ZFHX3: variants seen among roughly 807,000 people sequenced by gnomAD.
ZFHX3 encodes the protein zinc finger homeobox 3.
ZFHX3 carries 42 observed loss-of-function variants against 279.1 expected under a neutral mutation model. The ratio of observed to expected loss-of-function variants is 0.15; its 90% CI spans 0.12 to 0.19. The LOEUF (loss-of-function observed/expected upper bound fraction) is 0.19, where lower values mean the gene tolerates loss of function less well. Among genes scored for constraint, ZFHX3 ranks in the 10% least tolerant of loss-of-function variants. The probability of loss-of-function intolerance (pLI) is 1.00; values close to 1 mark genes in which losing one functional copy is unlikely to be tolerated. For synonymous variants in ZFHX3, 2,293 were observed against 1,957.8 expected, an observed-to-expected ratio of 1.17 and a Z score of -4.52; for missense variants, 4,981 against 4,754.0, an observed-to-expected ratio of 1.05 and a Z score of -1.40.
At chr16:73,227,350 G>A (rs1031814760) in intron 5 of ZFHX3, among the ~76,000 whole-genome samples, 4 of 152,146 alleles carry the variant, frequency 2.6e-5, no homozygotes, top group African/African-American at 9.7e-5. Flanking sequence ...TTATAATACA[G>A]AATAAAGACC....
At chr16:73,346,033 C>T (rs1238610745) in intron 3 of ZFHX3, among the ~76,000 whole-genome samples, 1 of 152,212 alleles carries the variant, frequency 6.6e-6, no homozygotes, top group Non-Finnish European at 1.5e-5. Flanking sequence ...AATGAGGGAG[C>T]TGTCCCTCTG....
chr16:72,869,381 GTT>G (rs11348026), intron 4 of ZFHX3, among the ~76,000 whole-genome samples: 1 of 150,866 alleles, frequency 6.6e-6, no homozygotes, highest in African/African-American at 2.4e-5. Flanking sequence ...AGCTAAAGGT[GTT>G]TTTTTTTTCT....
intron 6 of ZFHX3, among the ~76,000 whole-genome samples, chr16:73,135,204 T>C (rs745404204): frequency 4.6e-5 from 7 of 152,240 alleles, no homozygotes; most frequent in Non-Finnish European, 8.8e-5. Context: ...TAGAGCTTTC[T>C]GCCCTCTGTG....
intron 5 of ZFHX3, among the ~76,000 whole-genome samples, chr16:73,191,110 C>A (rs941608820): frequency 3.9e-5 from 6 of 152,052 alleles, no homozygotes; most frequent in Non-Finnish European, 5.9e-5. Flanking sequence ...GTGGGAGAGG[C>A]AGAGCCCCTC....
intron 8 of ZFHX3, among the ~76,000 whole-genome samples, chr16:73,070,804 C>T (rs1311841161): frequency 6.6e-6 from 1 of 151,790 alleles, no homozygotes; most frequent in Admixed American, 6.6e-5. Context: ...TCTCCAGCGC[C>T]CGGTCCCCTC....
chr16:72,836,032 T>G (rs887394238), intron 4 of ZFHX3, among the ~76,000 whole-genome samples: 3 of 152,238 alleles, frequency 2.0e-5, no homozygotes, highest in Non-Finnish European at 4.4e-5. Context: ...GTTATAATTC[T>G]GCTACAATAG....
At chr16:73,516,101 T>G (rs2019516649) in intron 2 of ZFHX3, among the ~76,000 whole-genome samples, 1 of 152,366 alleles carries the variant, frequency 6.6e-6, no homozygotes, top group South Asian at 2.1e-4. Context: ...CCATGGGTTC[T>G]TTTAAGAATA....
At chr16:73,320,893 G>A (rs953662286) in intron 3 of ZFHX3, among the ~76,000 whole-genome samples, 2 of 152,208 alleles carry the variant, frequency 1.3e-5, no homozygotes, top group Admixed American at 1.3e-4. Context: ...CATGGCAGAA[G>A]ATGAGCTTGG....
intron 1 of ZFHX3, among the ~76,000 whole-genome samples, chr16:73,851,931 T>C (rs749374115): frequency 5.3e-5 from 8 of 152,140 alleles, no homozygotes; most frequent in Non-Finnish European, 1.0e-4. Flanking sequence ...TAATGACATT[T>C]AGTGGGCAAG....
chr16:73,692,972 C>A (rs7194648), intron 1 of ZFHX3, among the ~76,000 whole-genome samples: 12,682 of 152,178 alleles, frequency 0.083, 591 homozygotes, highest in Non-Finnish European at 0.1. Flanking sequence ...TGAAATTAGA[C>A]CCATTGAAGA....
At chr16:73,242,961 C>T (rs561786634) in intron 5 of ZFHX3, among the ~76,000 whole-genome samples, 15 of 152,266 alleles carry the variant, frequency 9.9e-5, no homozygotes, top group African/African-American at 1.9e-4. Flanking sequence ...ACCAGAAGGA[C>T]GTGGCAATAG....
intron 2 of ZFHX3, among the ~76,000 whole-genome samples, chr16:73,546,690 TGCTGCTGC>T (rs1567515681): frequency 1.4e-5 from 1 of 71,190 alleles, no homozygotes; most frequent in African/African-American, 1.4e-4. Context: ...CTGCTGCTGC[TGCTGCTGC>T]TGCTGCTGCT....
chr16:73,621,675 G>T (rs2052364844), intron 2 of ZFHX3, among the ~76,000 whole-genome samples: 2 of 152,046 alleles, frequency 1.3e-5, no homozygotes, highest in African/African-American at 4.8e-5. Context: ...GGGGAAAAAA[G>T]GAGTCTGCAT....
intron 1 of ZFHX3, among the ~76,000 whole-genome samples, chr16:73,820,396 G>C (rs978291216): frequency 1.3e-5 from 2 of 152,128 alleles, no homozygotes; most frequent in African/African-American, 4.8e-5. Flanking sequence ...TAACTGGCTG[G>C]TGGCTTCTGC....
intron 1 of ZFHX3, among the ~76,000 whole-genome samples, chr16:73,003,548 A>AC (rs927433971): frequency 2.0e-5 from 3 of 150,676 alleles, no homozygotes; most frequent in Admixed American, 6.6e-5. Context: ...CTCTTAAAAA[A>AC]AAAAAAAATT....
chr16:73,292,248 G>C (rs2014790894), intron 4 of ZFHX3, among the ~76,000 whole-genome samples: 1 of 152,206 alleles, frequency 6.6e-6, no homozygotes, highest in African/African-American at 2.4e-5. Context: ...GCTGTGATTA[G>C]TGTCCTTTAC....
chr16:72,891,905 A>G (rs1421304782), intron 3 of ZFHX3, among the ~76,000 whole-genome samples: 1 of 152,160 alleles, frequency 6.6e-6, no homozygotes, highest in East Asian at 1.9e-4. Context: ...CTTCTGTCTG[A>G]TGTTTATGCC....
intron 1 of ZFHX3, among the ~76,000 whole-genome samples, chr16:73,831,060 A>G (rs1293501109): frequency 6.6e-6 from 1 of 152,234 alleles, no homozygotes; most frequent in African/African-American, 2.4e-5. Context: ...GACACATTCA[A>G]AAGACCAAAG....
chr16:73,767,316 G>T (rs2053961294), intron 1 of ZFHX3, among the ~76,000 whole-genome samples: 1 of 152,090 alleles, frequency 6.6e-6, no homozygotes, highest in Non-Finnish European at 1.5e-5. Context: ...CCATAATAAT[G>T]CTTTATCAAG....
Sources: gnomAD v4.1 joint callset for allele counts (sites outside exome capture counted in the v4.1 genomes callset) on GRCh38, gnomAD v4.1.1 for gene constraint, MANE v1.5 for transcripts, NCBI Gene and HGNC (gene_info 2026-07-23, HGNC 2026-07-21) for gene names.